Variants in FBXL7 observed in about 807,000 individuals in gnomAD.
The protein encoded by FBXL7 is F-box and leucine rich repeat protein 7.
Under a neutral mutation model 38.3 loss-of-function variants are expected in FBXL7, and 12 were observed. The ratio of observed to expected loss-of-function variants is 0.31; its 90% CI spans 0.20 to 0.51. FBXL7 has a LOEUF of 0.51. Among genes scored for constraint, FBXL7 ranks in the 20% least tolerant of loss-of-function variants. The pLI is 0.98. For synonymous variants in FBXL7, 297 were observed against 300.9 expected (o/e 0.99, Z 0.13); for missense variants, 567 against 676.4 (o/e 0.84, Z 1.79).
chr5:15,651,074 T>G (rs1741691948), intron 2 of FBXL7, among the ~76,000 whole-genome samples: 1 of 151,786 alleles, frequency 6.6e-6, no homozygotes, highest in African/African-American at 2.4e-5. Flanking sequence ...GCTACAGCCT[T>G]ACAAAACATA....
intron 2 of FBXL7, among the ~76,000 whole-genome samples, chr5:15,746,576 T>C (rs761878272): frequency 1.1e-4 from 16 of 151,838 alleles, no homozygotes; most frequent in Non-Finnish European, 1.6e-4. Context: ...GCTAATCTCA[T>C]TCATGAAGGC....
intron 1 of FBXL7, among the ~76,000 whole-genome samples, chr5:15,514,869 G>A (rs1014832533): frequency 3.3e-4 from 50 of 152,128 alleles, no homozygotes; most frequent in African/African-American, 1.2e-3. Flanking sequence ...TTTAGGCAGG[G>A]GTACAATTTG....
intron 2 of FBXL7, among the ~76,000 whole-genome samples, chr5:15,694,891 C>G (rs4702101): frequency 6.6e-6 from 1 of 152,054 alleles, no homozygotes; most frequent in Admixed American, 6.6e-5. Context: ...GAAGAACAGC[C>G]GAGTAAGGTT....
At chr5:15,771,830 C>T (rs185656948) in intron 2 of FBXL7, among the ~76,000 whole-genome samples, 2 of 142,272 alleles carry the variant, frequency 1.4e-5, no homozygotes, top group Non-Finnish European at 3.0e-5. Flanking sequence ...GGCTGGAGTG[C>T]GATCTTGGCT....
rs148863933 is a variant in FBXL7 at position 15,710,527 on chromosome 5, T to G, written c.127+94455T>G. Among the ~76,000 whole-genome samples, 40 of 152,286 alleles carry G rather than the reference T, an allele frequency of 2.6e-4. 1 individual carries two copies. In the East Asian group the frequency reaches 7.7e-3, roughly 29 times the overall value. On this transcript the variant is annotated intron_variant, in intron 2 of 3. Transcript: ENST00000504595. ...AAAAACACACTCTTGCTTACTTTAA[T>G]TTTTTTCATACAGCTATCACCGTAT...
chr5:15,831,702 A>T (rs1243598513), intron 2 of FBXL7, among the ~76,000 whole-genome samples: 2 of 152,190 alleles, frequency 1.3e-5, no homozygotes, highest in African/African-American at 4.8e-5. Flanking sequence ...CTCATGGAGC[A>T]TGGAGAGAAA....
chr5:15,602,985 C>T (rs972655297), intron 1 of FBXL7, among the ~76,000 whole-genome samples: 5 of 152,054 alleles, frequency 3.3e-5, no homozygotes, highest in Admixed American at 3.3e-4. Context: ...AGGTGCACAC[C>T]GTCACAACTG....
intron 2 of FBXL7, among the ~76,000 whole-genome samples, chr5:15,887,695 G>C (rs1315762027): frequency 6.6e-6 from 1 of 152,100 alleles, no homozygotes; most frequent in Non-Finnish European, 1.5e-5. Context: ...TACTCATGGG[G>C]GTTGTCACTC....
intron 2 of FBXL7, among the ~76,000 whole-genome samples, chr5:15,630,215 A>G (rs1478156619): frequency 6.6e-6 from 1 of 151,922 alleles, no homozygotes; most frequent in Non-Finnish European, 1.5e-5. Context: ...GAAGTCTAAA[A>G]ATTCTAAGGC....
intron 2 of FBXL7, among the ~76,000 whole-genome samples, chr5:15,895,732 C>T (rs1360416966): frequency 6.7e-6 from 1 of 149,614 alleles, no homozygotes; most frequent in East Asian, 2.0e-4. Context: ...CAAACTCTGC[C>T]TCCTGGGTTC....
chr5:15,914,891 G>A (rs934747837), intron 2 of FBXL7, among the ~76,000 whole-genome samples: 14 of 152,170 alleles, frequency 9.2e-5, no homozygotes, highest in African/African-American at 3.4e-4. Context: ...TATACTGGAT[G>A]GAGAGGCACT....
At chr5:15,646,117 A>G (rs1741525945) in intron 2 of FBXL7, among the ~76,000 whole-genome samples, 1 of 150,368 alleles carries the variant, frequency 6.7e-6, no homozygotes, top group Admixed American at 6.6e-5. Flanking sequence ...TGGGGATAAT[A>G]GTATATGTTT....
chr5:15,859,969 C>T (rs911627211), intron 2 of FBXL7, among the ~76,000 whole-genome samples: 3 of 152,204 alleles, frequency 2.0e-5, no homozygotes, highest in Admixed American at 1.3e-4. Flanking sequence ...ATCAATAAAA[C>T]TCATTCCTTC....
At chr5:15,545,511 T>G (rs1737871411) in intron 1 of FBXL7, among the ~76,000 whole-genome samples, 1 of 152,072 alleles carries the variant, frequency 6.6e-6, no homozygotes, top group Admixed American at 6.5e-5. Flanking sequence ...TTTCTTCAAT[T>G]GAATGTCACT....
Position 15,939,048 on chromosome 5 carries a change from C to G in FBXL7, c.*1862C>G, listed in dbSNP as rs1000995995. The G allele has an allele frequency of 1.0e-5, 4 of 398,926 alleles. No individual in the cohort carries two copies. In the South Asian group the frequency reaches 5.1e-4, roughly 51 times the overall value. 24.7% of individuals were successfully genotyped at this position (398,926 alleles called of 1,614,324 possible). A position where few individuals can be genotyped will look rare whatever the true frequency, so the allele number is the denominator to read the frequency against. ...GACAACTGCACTCCTACTGTAGGCT[C>G]CTGTGCATACTGTCGTCTTCTGTGG... On this transcript the variant is annotated 3_prime_UTR_variant, in exon 4 of 4. Coordinates refer to ENST00000504595, the MANE Select transcript of FBXL7 (RefSeq NM_012304.5).
At chr5:15,519,988 A>G (rs1416018306) in intron 1 of FBXL7, among the ~76,000 whole-genome samples, 2 of 152,196 alleles carry the variant, frequency 1.3e-5, no homozygotes, top group Admixed American at 1.3e-4. Flanking sequence ...CTGGTTGCCT[A>G]TTTTTATGGT....
At chr5:15,719,333 G>T (rs569881078) in intron 2 of FBXL7, among the ~76,000 whole-genome samples, 1 of 151,816 alleles carries the variant, frequency 6.6e-6, no homozygotes, top group Non-Finnish European at 1.5e-5. Context: ...AAAATATCAA[G>T]AACTGTAGTG....
At chr5:15,916,629 G>A (rs1008224699) in intron 2 of FBXL7, among the ~76,000 whole-genome samples, 2 of 152,190 alleles carry the variant, frequency 1.3e-5, no homozygotes, top group African/African-American at 4.8e-5. Flanking sequence ...CAAGGAGAAT[G>A]CAGTCTACCA....
chr5:15,919,495 G>A (rs575534639), intron 2 of FBXL7, among the ~76,000 whole-genome samples: 2 of 152,116 alleles, frequency 1.3e-5, no homozygotes, highest in African/African-American at 4.8e-5. Context: ...AGTAATTTAA[G>A]AATAAAAAAC....
Sources: allele counts gnomAD v4.1 joint callset (sites outside exome capture counted in the v4.1 genomes callset), GRCh38; gene constraint gnomAD v4.1.1; transcripts MANE v1.5; gene names NCBI Gene and HGNC (gene_info 2026-07-23, HGNC 2026-07-21).